DENND2C: variants seen among roughly 807,000 people sequenced by gnomAD.
DENND2C encodes DENN domain containing 2C.
In DENND2C, 72 loss-of-function variants were observed where a neutral mutation model predicts 112.4. The observed-to-expected ratio is 0.64, with a 90% CI of 0.53 to 0.78. The LOEUF (loss-of-function observed/expected upper bound fraction) is 0.78, where lower values mean the gene tolerates loss of function less well. DENND2C is among the 30% of genes least tolerant of loss of function. DENND2C has a pLI of 0.00. For missense variants in DENND2C, 992 were observed against 1,113.8 expected (o/e 0.89, Z 1.56); for synonymous variants, 329 against 381.6 (o/e 0.86, Z 1.61).
intron 3 of DENND2C, among the ~76,000 whole-genome samples, chr1:114,629,138 A>G (rs2101670624): frequency 6.6e-6 from 1 of 152,350 alleles, no homozygotes; most frequent in East Asian, 1.9e-4. Flanking sequence ...GCTATTAAAA[A>G]CTATTGAAGT....
intron 3 of DENND2C, among the ~76,000 whole-genome samples, chr1:114,643,352 A>T (rs1250248497): frequency 1.3e-5 from 2 of 152,222 alleles, no homozygotes; most frequent in Non-Finnish European, 2.9e-5. Context: ...ACATTATTTA[A>T]TCGAAAGCCT....
At chr1:114,616,944 G>C (rs1348931099) in intron 8 of DENND2C, among the ~76,000 whole-genome samples, 1 of 152,170 alleles carries the variant, frequency 6.6e-6, no homozygotes. Flanking sequence ...CAGAATCATG[G>C]TGGGAGGCAA....
intron 1 of DENND2C, among the ~76,000 whole-genome samples, chr1:114,656,048 A>C (rs1197334984): frequency 6.6e-6 from 1 of 151,770 alleles, no homozygotes; most frequent in African/African-American, 2.4e-5. Context: ...GTTATTACGA[A>C]GAAAGCTGTT....
chr1:114,658,883 A>G (rs1657405845), intron 1 of DENND2C, among the ~76,000 whole-genome samples: 1 of 151,820 alleles, frequency 6.6e-6, no homozygotes, highest in Admixed American at 6.6e-5. Context: ...CTGTTTTTAA[A>G]ATTTTTTAAA....
At chr1:114,632,562 A>C (rs1245085052) in intron 3 of DENND2C, among the ~76,000 whole-genome samples, 1 of 152,214 alleles carries the variant, frequency 6.6e-6, no homozygotes, top group Non-Finnish European at 1.5e-5. Context: ...GTTAAACATA[A>C]GCTGTAAAAA....
At chr1:114,668,520 AAC>A (rs71580644) in intron 1 of DENND2C, among the ~76,000 whole-genome samples, 15,435 of 146,840 alleles carry the variant, frequency 0.11, 865 homozygotes, top group Non-Finnish European at 0.14. Context: ...TGCCACATTC[AAC>A]ACACACACAC....
In DENND2C at chr1:114,605,100, A is replaced by C. The variant is rs1270261217; in HGVS notation, c.1558-69T>G. The C allele has an allele frequency of 4.2e-6, 5 of 1,199,866 alleles. No homozygotes were observed. The African/African-American group carries it at 7.7e-5, about 19-fold the overall frequency. The allele number at this position is 1,199,866 out of a possible 1,614,324, so 74.3% of individuals were successfully genotyped here. The stretch of plus-strand genomic sequence containing the variant: ...AGTGGGGAATAGAAATAAAAAACTC[A>C]GCCTTGTCTCAGGAAAAAAGGTCTC... On this transcript the variant is annotated intron_variant, in intron 10 of 20. Coordinates refer to ENST00000393274, the MANE Select transcript of DENND2C (RefSeq NM_001256404.2).
rs768050448 is a variant in DENND2C at position 114,623,609 on chromosome 1, G to A, written c.841C>T (p.Arg281Ter). 4.9e-5 allele frequency: 78 copies of A among 1,605,406 alleles called. No homozygotes were observed. Among genetic ancestry groups the A allele is most frequent in the Non-Finnish European group, 6.3e-5 (74 of 1,175,982 alleles). Reference protein sequence around the residue: ...SFEFEDIQHFRNRNSQTIREE... With the variant: ...SFEFEDIQHF ...CGAATCGTCTGTGAGTTCCGATTTC[G>A]AAAGTGCTGAATATCCTCAAATTCA... The change falls in exon 5 of 21, where the codon CGA (arginine) becomes TGA (stop). Residue 281 changes from arginine to a stop codon, truncating the protein, a stop_gained. Transcript: ENST00000393274. LOFTEE classifies it high-confidence loss of function.
chr1:114,634,263 T>C lies in DENND2C; in HGVS notation c.-204-8075A>G, dbSNP rs142036933. Among the ~76,000 whole-genome samples the C allele has an allele frequency of 5.1e-3, 781 of 152,358 alleles. 6 individuals carry two copies. Among genetic ancestry groups the C allele is most frequent in the African/African-American group, 0.018 (743 of 41,584 alleles). The stretch of plus-strand genomic sequence containing the variant: ...TATATAAAAGATTTCAATATCACTA[T>C]CAATCAACTTGACTTAATTGACATT... On this transcript the variant is annotated intron_variant, in intron 3 of 20. Coordinates refer to ENST00000393274, the MANE Select transcript of DENND2C (RefSeq NM_001256404.2).
intron 7 of DENND2C, among the ~76,000 whole-genome samples, chr1:114,620,948 T>C (rs1174167721): frequency 6.6e-6 from 1 of 152,200 alleles, no homozygotes; most frequent in South Asian, 2.1e-4. Context: ...AATGAACACA[T>C]ATAGCTAATT....
intron 5 of DENND2C, 121 bp from the exon 6 acceptor site, chr1:114,623,220 G>A (rs970488454): frequency 1.1e-6 from 1 of 908,272 alleles, no homozygotes; most frequent in Non-Finnish European, 1.6e-6. Context: ...TTGCTGTAGG[G>A]ATGTGGGTTT....
chr1:114,626,054 G>A lies in DENND2C; in HGVS notation c.-70C>T, dbSNP rs370372818. On this transcript the variant is annotated 5_prime_UTR_variant, in exon 4 of 21. Coordinates refer to ENST00000393274, the MANE Select transcript of DENND2C (RefSeq NM_001256404.2). ...CCATTACAAGTAAATGTGAAATATT[G>A]TATTCTTTATCCTGTCAGAATCCAA... 1 of 1,386,026 alleles carries A rather than the reference G, an allele frequency of 7.2e-7. No individual in the cohort carries two copies. Among genetic ancestry groups the A allele is most frequent in the Non-Finnish European group, 9.9e-7 (1 of 1,014,166 alleles). The allele number at this position is 1,386,026 out of a possible 1,614,324, so 85.9% of individuals were successfully genotyped here.
intron 10 of DENND2C, among the ~76,000 whole-genome samples, chr1:114,607,347 T>A (rs1171340038): frequency 6.6e-6 from 1 of 152,206 alleles, no homozygotes; most frequent in Non-Finnish European, 1.5e-5. Flanking sequence ...GAGGGCCTTA[T>A]GTAACTACAC....
chr1:114,602,454 T>A (rs1655538975), intron 11 of DENND2C, among the ~76,000 whole-genome samples: 1 of 152,222 alleles, frequency 6.6e-6, no homozygotes, highest in South Asian at 2.1e-4. Flanking sequence ...CTTAAGAATA[T>A]CTTGCCTTGT....
chr1:114,614,975 C>A (rs182452078), intron 8 of DENND2C, among the ~76,000 whole-genome samples: 3,982 of 151,770 alleles, frequency 0.026, 93 homozygotes, highest in Non-Finnish European at 0.034. Flanking sequence ...GATCGCACAA[C>A]TGCACCCCAG....
chr1:114,633,219 G>A (rs931668283), intron 3 of DENND2C, among the ~76,000 whole-genome samples: 2 of 152,004 alleles, frequency 1.3e-5, no homozygotes, highest in African/African-American at 2.4e-5. Context: ...GGCAGAGGCA[G>A]GTGGATCTTG....
chr1:114,643,249 A>G (rs923728558), intron 3 of DENND2C, among the ~76,000 whole-genome samples: 2 of 152,320 alleles, frequency 1.3e-5, no homozygotes, highest in East Asian at 1.9e-4. Context: ...TGTGTCAGGG[A>G]AAAAAATGAA....
At chr1:114,628,053 C>T (rs1390419680) in intron 3 of DENND2C, among the ~76,000 whole-genome samples, 1 of 151,912 alleles carries the variant, frequency 6.6e-6, no homozygotes, top group Non-Finnish European at 1.5e-5. Flanking sequence ...TACTTGTCAT[C>T]CCAGGACTTT....
chr1:114,625,695 T>C lies in DENND2C; in HGVS notation c.290A>G (p.Asn97Ser). The C allele has an allele frequency of 6.2e-7, 1 of 1,614,076 alleles. No individual in the cohort carries two copies. Among genetic ancestry groups the C allele is most frequent in the South Asian group, 1.1e-5 (1 of 91,068 alleles). ...TKSHDQSENE[N>S]KKHEYDDTHF... is the part of the protein sequence containing the mutation. ...TGTATCGTCATATTCATGTTTCTTA[T>C]TTTCATTCTCACTTTGATCATGGCT... The change falls in exon 4 of 21, where the codon AAT becomes AGT. Residue 97 changes from asparagine (N) to serine (S), a missense_variant. By Grantham distance (46) the Asn-to-Ser change is conservative. Around this residue, in one of 3 missense-constraint regions of DENND2C, gnomAD observed 470 missense variants for 472.7 expected, o/e 0.99. Transcript: ENST00000393274.
Sources: allele counts gnomAD v4.1 joint callset (sites outside exome capture counted in the v4.1 genomes callset), GRCh38; gene constraint gnomAD v4.1.1; regional missense constraint gnomAD v4.1.1; transcripts MANE v1.5; gene names NCBI Gene and HGNC (gene_info 2026-07-23, HGNC 2026-07-21).